The following CTDP1 variants were observed in gnomAD, a reference collection of about 807,000 sequenced individuals.
CTDP1 encodes CTD phosphatase 1.
A neutral mutation model predicts 91.8 loss-of-function variants in CTDP1; 47 were observed. That is an observed-to-expected ratio of 0.51 (90% confidence interval 0.41 to 0.65). CTDP1 has a LOEUF of 0.65. Among genes scored for constraint, CTDP1 ranks in the 30% least tolerant of loss-of-function variants. The pLI, the probability that CTDP1 is intolerant of heterozygous loss-of-function variation, is 0.00. For synonymous variants in CTDP1, 656 were observed against 598.5 expected, an observed-to-expected ratio of 1.10 and a Z score of -1.40; for missense variants, 1,272 against 1,373.7, an observed-to-expected ratio of 0.93 and a Z score of 1.17.
intron 1 of CTDP1, chr18:79,680,995 A>C (rs2085352738): frequency 6.6e-6 from 1 of 152,284 alleles, no homozygotes. Context: ...GATTGTGAGA[A>C]CAGAAACTCC....
intron 1 of CTDP1, among the ~76,000 whole-genome samples, chr18:79,690,533 T>C (rs567766502): frequency 1.3e-5 from 2 of 152,350 alleles, no homozygotes; most frequent in Admixed American, 1.3e-4. Flanking sequence ...TTTCTCTGCC[T>C]GGAGCGTGGA....
At chr18:79,728,251 C>CT (rs2086491817) in intron 10 of CTDP1, among the ~76,000 whole-genome samples, 1 of 152,104 alleles carries the variant, frequency 6.6e-6, no homozygotes, top group South Asian at 2.1e-4. Flanking sequence ...AGGCGTGCAC[C>CT]ACCACACCGG....
intron 11 of CTDP1, among the ~76,000 whole-genome samples, chr18:79,732,483 G>A (rs1599291917): frequency 3.1e-5 from 3 of 95,488 alleles, no homozygotes; most frequent in African/African-American, 1.3e-4. Flanking sequence ...CGTGAGACAT[G>A]AGAACTCACA....
At position 79,699,553 on chromosome 18, in the gene CTDP1, G is replaced by A. The variant is rs28548012; in HGVS notation, c.621+1565G>A. On this transcript the variant is annotated intron_variant, in intron 4 of 12. Transcript: ENST00000613122. The stretch of plus-strand genomic sequence containing the variant: ...GCTGGGATTACAGGCATGAGCCACC[G>A]CGCCCGCCCAAGGTTTTTTTTTTAA... 6.9e-3 allele frequency among the ~76,000 whole-genome samples: 1,047 copies of A among 152,120 alleles called. 10 individuals are homozygous for A. The highest frequency in any genetic ancestry group is 0.022 in the African/African-American group (922 of 41,484).
At chr18:79,708,964 G>A (rs1404050047) in intron 5 of CTDP1, among the ~76,000 whole-genome samples, 2 of 152,224 alleles carry the variant, frequency 1.3e-5, no homozygotes, top group African/African-American at 2.4e-5. Context: ...CCTTAAACAC[G>A]TTATGTGGGT....
intron 12 of CTDP1, among the ~76,000 whole-genome samples, chr18:79,750,502 T>C (rs1051065118): frequency 2.6e-5 from 4 of 151,380 alleles, no homozygotes; most frequent in African/African-American, 9.7e-5. Flanking sequence ...TGCCTTTTTT[T>C]TTCCCCCCCG....
intron 10 of CTDP1, among the ~76,000 whole-genome samples, chr18:79,728,369 G>T (rs2086494618): frequency 1.3e-5 from 2 of 152,164 alleles, no homozygotes; most frequent in African/African-American, 4.8e-5. Context: ...CAAAGTGCTG[G>T]CTTTACAAGC....
downstream of CTDP1, chr18:79,756,242 G>T (rs186265990): frequency 1.4e-3 from 218 of 152,474 alleles, 3 homozygotes; most frequent in Admixed American, 6.3e-3. Flanking sequence ...CCCATGCAGC[G>T]GTGGGGACCC....
At chr18:79,717,418 G>T in intron 8 of CTDP1, 117 bp from the exon 9 acceptor site, 1 of 1,455,124 alleles carries the variant, frequency 6.9e-7, no homozygotes, top group East Asian at 2.3e-5. Flanking sequence ...AGCCGAGTGA[G>T]GGCCCTGAGC....
intron 4 of CTDP1, among the ~76,000 whole-genome samples, chr18:79,701,233 A>G (rs1178712104): frequency 6.6e-6 from 1 of 152,122 alleles, no homozygotes; most frequent in Non-Finnish European, 1.5e-5. Flanking sequence ...TCTCCTGGCC[A>G]GGCGCGGTGG....
intron 11 of CTDP1, 31 bp downstream of exon 11, chr18:79,729,100 C>T: frequency 6.2e-7 from 1 of 1,611,720 alleles, no homozygotes; most frequent in African/African-American, 1.3e-5. Context: ...GGTGCCCGCG[C>T]CAGCGCTCGT....
At chr18:79,685,460 T>C (rs2085475342) in intron 1 of CTDP1, 1 of 152,184 alleles carries the variant, frequency 6.6e-6, no homozygotes, top group Middle Eastern at 3.2e-3. Flanking sequence ...GTGCGAGGGT[T>C]GATGACGTCT....
upstream of CTDP1, chr18:79,679,377 G>C (rs758231928): frequency 7.5e-5 from 34 of 454,018 alleles, no homozygotes; most frequent in African/African-American, 5.4e-4. Context: ...CCGTAGTCCC[G>C]CGACGTTGCG....
intron 1 of CTDP1, among the ~76,000 whole-genome samples, chr18:79,690,247 T>G (rs1306488813): frequency 6.6e-6 from 1 of 152,208 alleles, no homozygotes. Context: ...CTCTCTGATG[T>G]ACCCATGCCC....
At chr18:79,718,830 C>G (rs530427420) in intron 10 of CTDP1, among the ~76,000 whole-genome samples, 1 of 152,250 alleles carries the variant, frequency 6.6e-6, no homozygotes, top group African/African-American at 2.4e-5. Flanking sequence ...CCCCTGGAAG[C>G]CGTCTGACAG....
In CTDP1 at chr18:79,715,169, A is replaced by G; in HGVS notation, c.1709A>G (p.Glu570Gly). The G allele has an allele frequency of 2.5e-6, 4 of 1,613,380 alleles. No individual in the cohort carries two copies. The highest frequency in any genetic ancestry group is 3.4e-6 in the Non-Finnish European group (4 of 1,179,900). ...NSELSGVTAGESLDQSMEEEE... is the reference protein window; with the variant it reads ...NSELSGVTAGGSLDQSMEEEE... ...GAGCTGTCGGGGGTCACTGCGGGTG[A>G]GTCCCTGGACCAGAGCATGGAGGAG... is the stretch of plus-strand genomic sequence containing the variant. Residue 570 changes from glutamate to glycine, a missense_variant, in exon 8 of 13, where the codon GAG (glutamate) becomes GGG (glycine). By Grantham distance (98) the Glu-to-Gly change is moderately conservative. Transcript: ENST00000613122.
chr18:79,678,159 T>G (rs1402887479), upstream of CTDP1: 1 of 152,246 alleles, frequency 6.6e-6, no homozygotes, highest in Non-Finnish European at 1.5e-5. Flanking sequence ...TTAAATGGTT[T>G]TGAGAAAAGA....
At chr18:79,691,096 C>T (rs1243746617) in intron 1 of CTDP1, among the ~76,000 whole-genome samples, 2 of 152,214 alleles carry the variant, frequency 1.3e-5, no homozygotes, top group Non-Finnish European at 2.9e-5. Flanking sequence ...GTTACAGCTG[C>T]TGTGACACTG....
At chr18:79,742,043 G>T (rs2086787868) in intron 12 of CTDP1, among the ~76,000 whole-genome samples, 1 of 152,156 alleles carries the variant, frequency 6.6e-6, no homozygotes, top group Admixed American at 6.5e-5. Flanking sequence ...CCGGGAGCAG[G>T]GCTGGGGGCC....
Sources: allele counts gnomAD v4.1 joint callset (sites outside exome capture counted in the v4.1 genomes callset), GRCh38; gene constraint gnomAD v4.1.1; transcripts MANE v1.5; gene names NCBI Gene and HGNC (gene_info 2026-07-23, HGNC 2026-07-21).